LRRC4C: variants seen among roughly 807,000 people sequenced by gnomAD.
LRRC4C encodes the protein leucine rich repeat containing 4C.
In LRRC4C, 5 loss-of-function variants were observed where a neutral mutation model predicts 33.6. The observed-to-expected ratio is 0.15, with a 90% CI of 0.08 to 0.31. LRRC4C has a LOEUF of 0.31. Among genes scored for constraint, LRRC4C ranks in the 10% least tolerant of loss-of-function variants. The pLI is 1.00. For missense variants in LRRC4C, 560 were observed against 796.7 expected (o/e 0.70, Z 3.58); for synonymous variants, 329 against 302.0 (o/e 1.09, Z -0.93).
At chr11:40,445,716 A>T (rs1431096674) in intron 3 of LRRC4C, 2 of 152,276 alleles carry the variant, frequency 1.3e-5, no homozygotes, top group Admixed American at 6.5e-5. Flanking sequence ...TTTGCATTCC[A>T]GTGAAAAATT....
At chr11:41,029,836 A>G (rs911577828) in intron 1 of LRRC4C, among the ~76,000 whole-genome samples, 2 of 151,874 alleles carry the variant, frequency 1.3e-5, no homozygotes, top group Non-Finnish European at 2.9e-5. Context: ...AATAATGTGT[A>G]AATGAATAAA....
intron 4 of LRRC4C, among the ~76,000 whole-genome samples, chr11:40,287,172 A>G (rs576678348): frequency 1.3e-5 from 2 of 152,090 alleles, no homozygotes; most frequent in Admixed American, 1.3e-4. Context: ...TAATGACAAC[A>G]CCAAGAATAA....
At chr11:41,060,022 C>T (rs187570223) in intron 1 of LRRC4C, among the ~76,000 whole-genome samples, 6 of 152,262 alleles carry the variant, frequency 3.9e-5, no homozygotes, top group Admixed American at 2.6e-4. Context: ...GAGACTCTGT[C>T]TCAAAAACAA....
intron 5 of LRRC4C, among the ~76,000 whole-genome samples, chr11:40,150,250 C>A (rs1423176694): frequency 6.6e-6 from 1 of 152,192 alleles, no homozygotes; most frequent in African/African-American, 2.4e-5. Context: ...AGATCCTCAA[C>A]TTAATTATGT....
At chr11:41,240,757 G>A (rs533511897) in intron 1 of LRRC4C, among the ~76,000 whole-genome samples, 11 of 152,246 alleles carry the variant, frequency 7.2e-5, no homozygotes, top group African/African-American at 2.6e-4. Flanking sequence ...GGAATTAGTA[G>A]GATATGCGTG....
At chr11:40,586,686 T>C (rs1159243651) in intron 3 of LRRC4C, among the ~76,000 whole-genome samples, 1 of 150,390 alleles carries the variant, frequency 6.6e-6, no homozygotes, top group Non-Finnish European at 1.5e-5. Context: ...TTCAGCTTTC[T>C]ACATATGGCC....
At chr11:41,295,286 A>G (rs1950105890) in intron 1 of LRRC4C, among the ~76,000 whole-genome samples, 2 of 152,214 alleles carry the variant, frequency 1.3e-5, no homozygotes, top group East Asian at 1.9e-4. Flanking sequence ...TAAATGGACC[A>G]TCCCTATATT....
At chr11:40,940,941 T>G (rs61886657) in intron 1 of LRRC4C, among the ~76,000 whole-genome samples, 1 of 123,572 alleles carries the variant, frequency 8.1e-6, no homozygotes, top group Non-Finnish European at 1.8e-5. Context: ...TTTTTTTTTT[T>G]GGACACTAGT....
At chr11:40,362,387 G>A (rs1947996421) in intron 3 of LRRC4C, among the ~76,000 whole-genome samples, 1 of 151,728 alleles carries the variant, frequency 6.6e-6, no homozygotes, top group Non-Finnish European at 1.5e-5. Context: ...TAATATCCAG[G>A]ATATATGAGA....
chr11:41,005,747 A>T (rs1854706212), intron 1 of LRRC4C, among the ~76,000 whole-genome samples: 1 of 152,194 alleles, frequency 6.6e-6, no homozygotes, highest in South Asian at 2.1e-4. Flanking sequence ...CTAGAAGCAG[A>T]TATTTGTACT....
At chr11:40,887,080 A>T (rs545050442) in intron 2 of LRRC4C, among the ~76,000 whole-genome samples, 25 of 151,742 alleles carry the variant, frequency 1.6e-4, no homozygotes, top group Non-Finnish European at 3.2e-4. Context: ...TACTTAGAAT[A>T]CTAGCAATCA....
chr11:40,937,604 T>TGTGTGTGC (rs1491565029), intron 1 of LRRC4C, among the ~76,000 whole-genome samples: 11 of 19,816 alleles, frequency 5.6e-4, no homozygotes, highest in African/African-American at 1.9e-3. Context: ...TGTGTGTATA[T>TGTGTGTGC]GTGTGTGTGT....
At chr11:40,841,390 C>A (rs1437836748) in intron 2 of LRRC4C, among the ~76,000 whole-genome samples, 1 of 152,178 alleles carries the variant, frequency 6.6e-6, no homozygotes, top group African/African-American at 2.4e-5. Flanking sequence ...TATGTTGAAG[C>A]CCTAACTCCC....
intron 2 of LRRC4C, among the ~76,000 whole-genome samples, chr11:40,687,558 TTCAA>T (rs1401326193): frequency 1.3e-5 from 2 of 152,106 alleles, no homozygotes; most frequent in Non-Finnish European, 2.9e-5. Flanking sequence ...CACACTGCTG[TTCAA>T]TCAATGAGAT....
rs183284741 is a variant in LRRC4C at position 40,611,124 on chromosome 11, A to C, written c.-270+37018T>G. On this transcript the variant is annotated intron_variant, in intron 3 of 6. Transcript: ENST00000528697. ...GCCTCACACTTCCTGACTTCAAAACATATTACAAAGGTATGGTAATTAAAA... is the reference window on the plus strand; with the variant it reads ...GCCTCACACTTCCTGACTTCAAAACCTATTACAAAGGTATGGTAATTAAAA... Among the ~76,000 whole-genome samples, 287 of 152,086 alleles carry C rather than the reference A, an allele frequency of 1.9e-3. 1 individual carries two copies. Among genetic ancestry groups the C allele is most frequent in the African/African-American group, 6.4e-3 (264 of 41,562 alleles).
chr11:41,357,765 T>C (rs74888282), intron 1 of LRRC4C, among the ~76,000 whole-genome samples: 2,880 of 152,220 alleles, frequency 0.019, 83 homozygotes, highest in African/African-American at 0.065. Context: ...TATTCCAATT[T>C]GGGATAAGAC....
At chr11:41,308,384 G>T (rs1950559741) in intron 1 of LRRC4C, among the ~76,000 whole-genome samples, 1 of 152,070 alleles carries the variant, frequency 6.6e-6, no homozygotes, top group Non-Finnish European at 1.5e-5. Context: ...TTCCTAAGCA[G>T]CTCAAAACCG....
chr11:40,488,491 C>T (rs1590891769), intron 3 of LRRC4C, among the ~76,000 whole-genome samples: 1 of 152,114 alleles, frequency 6.6e-6, no homozygotes, highest in East Asian at 1.9e-4. Context: ...TTTGCTTAGA[C>T]TATGGTATTC....
chr11:41,446,508 G>T (rs574621219), intron 1 of LRRC4C, among the ~76,000 whole-genome samples: 1 of 152,092 alleles, frequency 6.6e-6, no homozygotes, highest in East Asian at 2.0e-4. Context: ...GGGACTGAGA[G>T]AGTTGTGGGT....
Sources: allele counts gnomAD v4.1 joint callset (sites outside exome capture counted in the v4.1 genomes callset), GRCh38; gene constraint gnomAD v4.1.1; transcripts MANE v1.5; gene names NCBI Gene and HGNC (gene_info 2026-07-23, HGNC 2026-07-21).